The following HECA variants were observed in gnomAD, a reference collection of about 807,000 sequenced individuals.
HECA encodes the protein HECA ribonucleoprotein granule regulator.
In HECA, 13 loss-of-function variants were observed where a neutral mutation model predicts 37.6. The observed-to-expected ratio is 0.35, with a 90% CI of 0.23 to 0.55. The LOEUF is 0.55. Among genes scored for constraint, HECA ranks in the 20% least tolerant of loss-of-function variants. The pLI is 0.90. For missense variants in HECA, 527 were observed against 701.9 expected (o/e 0.75, Z 2.82); for synonymous variants, 307 against 291.5 (o/e 1.05, Z -0.54).
rs1351248381 is a variant in HECA at position 139,135,568 on chromosome 6, C to G, written c.172C>G (p.Pro58Ala). The G allele has an allele frequency of 3.1e-5, 30 of 970,330 alleles. No individual in the cohort carries two copies. In the African/African-American group the frequency reaches 3.8e-4, roughly 12 times the overall value. The allele number at this position is 970,330 out of a possible 1,614,324, so 60.1% of individuals were successfully genotyped here. Residue 58 changes from proline (P) to alanine (A), a missense_variant, in exon 1 of 4, where the codon CCG (proline) becomes GCG (alanine). Physicochemically the swap from Pro to Ala is conservative, Grantham distance 27 (BLOSUM62 -1). Coordinates refer to ENST00000367658, the MANE Select transcript of HECA (RefSeq NM_016217.3). ...AGCGAAAAGA[P>A]GAGGAAGAGG... ...TTGCGGGGCGGCGGCGGCGGGCGCG[C>G]CGGGCGCCGGAGGCGCGGCGGGCGC...
chr6:139,151,356 G>C (rs1168685503), intron 1 of HECA: 2 of 152,198 alleles, frequency 1.3e-5, no homozygotes, highest in Non-Finnish European at 2.9e-5. Context: ...GCTACATCGT[G>C]CTGAGATTTT....
At chr6:139,168,506 AC>A (rs1232926353) in intron 2 of HECA, among the ~76,000 whole-genome samples, 1 of 149,878 alleles carries the variant, frequency 6.7e-6, no homozygotes, top group Non-Finnish European at 1.5e-5. Flanking sequence ...ATTTCCACAT[AC>A]CTGTCAGATT....
chr6:139,145,253 A>C (rs1221365872), intron 1 of HECA, among the ~76,000 whole-genome samples: 2 of 152,238 alleles, frequency 1.3e-5, no homozygotes, highest in African/African-American at 2.4e-5. Context: ...AATCAACAGG[A>C]TGTTTTAGCT....
rs566511091 is a variant in HECA, at chr6:139,179,007, A to T, written c.*1902A>T. On this transcript the variant is annotated 3_prime_UTR_variant, in exon 4 of 4. Coordinates refer to ENST00000367658, the MANE Select transcript of HECA (RefSeq NM_016217.3). ...TTTGCTGCATCTAGGTTGGTGTTTG[A>T]TCATCTGAAAAAACATTTCAGTGGG... 3 of 152,324 alleles carry T rather than the reference A, an allele frequency of 2.0e-5. No homozygotes were observed. Among genetic ancestry groups the T allele is most frequent in the South Asian group, 4.1e-4 (2 of 4,828 alleles). The allele number at this position is 152,324 out of a possible 1,614,324, so 9.4% of individuals were successfully genotyped here.
intron 1 of HECA, chr6:139,159,390 A>C (rs1774764502): frequency 6.6e-6 from 1 of 152,202 alleles, no homozygotes; most frequent in African/African-American, 2.4e-5. Context: ...ATTTGTAATA[A>C]CCAGTTCACT....
chr6:139,158,634 G>A (rs1390345450), intron 1 of HECA, among the ~76,000 whole-genome samples: 2 of 142,834 alleles, frequency 1.4e-5, no homozygotes, highest in Non-Finnish European at 3.0e-5. Context: ...CCATGCCACT[G>A]TACTCCGGTG....
rs144780428 is a variant in HECA at position 139,157,711 on chromosome 6, T to A, written c.272-8573T>A. 7.2e-5 allele frequency among the ~76,000 whole-genome samples: 11 copies of A among 152,228 alleles called. No individual in the cohort carries two copies. In the East Asian group the frequency reaches 1.9e-3, roughly 27 times the overall value. On this transcript the variant is annotated intron_variant, in intron 1 of 3. Transcript: ENST00000367658. ...GGCAACATTTGGCCCAAGAGTAATA[T>A]AGAGGGCTGTAGAGAGTGGGATGGT...
intron 1 of HECA, among the ~76,000 whole-genome samples, chr6:139,148,875 C>G (rs912992640): frequency 6.6e-6 from 1 of 152,106 alleles, no homozygotes; most frequent in Non-Finnish European, 1.5e-5. Flanking sequence ...GCTCAATACC[C>G]GTCTCTTCTT....
intron 1 of HECA, among the ~76,000 whole-genome samples, chr6:139,156,473 A>G (rs141640035): frequency 2.0e-3 from 312 of 152,334 alleles, no homozygotes; most frequent in African/African-American, 7.3e-3. Flanking sequence ...GCCTCTTAAA[A>G]TGCTGGAATT....
intron 1 of HECA, among the ~76,000 whole-genome samples, chr6:139,152,841 G>T (rs1188254954): frequency 6.6e-6 from 1 of 152,270 alleles, no homozygotes; most frequent in South Asian, 2.1e-4. Context: ...ATCAGGAAAT[G>T]ATTCTTTAAA....
At chr6:139,135,966 C>T (rs1774430015) in intron 1 of HECA, among the ~76,000 whole-genome samples, 1 of 151,926 alleles carries the variant, frequency 6.6e-6, no homozygotes, top group South Asian at 2.1e-4. Context: ...GGCACTGCCC[C>T]GCCGTGTGTG....
At chr6:139,163,799 T>C (rs2114467352) in intron 1 of HECA, among the ~76,000 whole-genome samples, 1 of 152,316 alleles carries the variant, frequency 6.6e-6, no homozygotes. Flanking sequence ...CTCTGGTCTC[T>C]GCCCACTCCT....
chr6:139,159,578 G>A (rs1277253177), intron 1 of HECA, among the ~76,000 whole-genome samples: 1 of 152,180 alleles, frequency 6.6e-6, no homozygotes, highest in Admixed American at 6.5e-5. Context: ...ACTGAATCTA[G>A]GAGACCTGGC....
At chr6:139,146,242 A>T (rs926469311) in intron 1 of HECA, among the ~76,000 whole-genome samples, 6 of 152,340 alleles carry the variant, frequency 3.9e-5, no homozygotes, top group African/African-American at 1.4e-4. Flanking sequence ...TAAGGTATCA[A>T]ATTGCTCCGG....
At chr6:139,136,472 CACTT>C (rs1337885221) in intron 1 of HECA, among the ~76,000 whole-genome samples, 4 of 152,114 alleles carry the variant, frequency 2.6e-5, no homozygotes, top group South Asian at 2.1e-4. Context: ...GCTGGGCAAA[CACTT>C]ACTTATTTGG....
chr6:139,151,702 G>GT lies in HECA; in HGVS notation c.272-14581dup, dbSNP rs201591352. 4.1e-3 allele frequency among the ~76,000 whole-genome samples: 622 copies of GT among 152,210 alleles called. 3 individuals carry two copies. The highest frequency in any genetic ancestry group is 0.014 in the African/African-American group (584 of 41,524). ...TTTTTTAACGTGGTCACTTAGGTTG[G>GT]TGCAAAAGTAATTTGCGATTTTTGC... is the stretch of plus-strand genomic sequence containing the variant. On this transcript the variant is annotated intron_variant, in intron 1 of 3. Coordinates refer to ENST00000367658, the MANE Select transcript of HECA (RefSeq NM_016217.3).
chr6:139,152,150 A>G (rs1354875802), intron 1 of HECA, among the ~76,000 whole-genome samples: 1 of 152,152 alleles, frequency 6.6e-6, no homozygotes, highest in African/African-American at 2.4e-5. Context: ...TTGGGTCTTG[A>G]CGTGTCTTCT....
At chr6:139,154,796 A>G (rs1173638200) in intron 1 of HECA, among the ~76,000 whole-genome samples, 1 of 152,272 alleles carries the variant, frequency 6.6e-6, no homozygotes, top group Non-Finnish European at 1.5e-5. Context: ...TGAAAATCAC[A>G]TAGATAAACT....
At chr6:139,136,283 A>AG (rs1216083381) in intron 1 of HECA, among the ~76,000 whole-genome samples, 2 of 150,350 alleles carry the variant, frequency 1.3e-5, no homozygotes, top group East Asian at 1.9e-4. Context: ...AAAAAAAAAA[A>AG]AAAGAAAAGA....
Sources: gnomAD v4.1 joint callset for allele counts (sites outside exome capture counted in the v4.1 genomes callset) on GRCh38, gnomAD v4.1.1 for gene constraint, MANE v1.5 for transcripts, NCBI Gene and HGNC (gene_info 2026-07-23, HGNC 2026-07-21) for gene names.